RHOQ: variants seen among roughly 807,000 people sequenced by gnomAD.
The protein encoded by RHOQ is ras homolog family member Q.
RHOQ carries 7 observed loss-of-function variants against 25.8 expected under a neutral mutation model. The ratio of observed to expected loss-of-function variants is 0.27; its 90% CI spans 0.15 to 0.51. The LOEUF is 0.51. Among genes scored for constraint, RHOQ ranks in the 20% least tolerant of loss-of-function variants. RHOQ has a pLI of 0.97. For synonymous variants in RHOQ, 97 were observed against 98.6 expected (o/e 0.98, Z 0.10); for missense variants, 165 against 260.6 (o/e 0.63, Z 2.53).
chr2:46,550,082 T>C (rs949397826), intron 2 of RHOQ, among the ~76,000 whole-genome samples: 11 of 151,964 alleles, frequency 7.2e-5, no homozygotes, highest in Non-Finnish European at 1.6e-4. Flanking sequence ...TTTTTTTTAA[T>C]TAGCCAGATG....
intron 2 of RHOQ, among the ~76,000 whole-genome samples, chr2:46,571,311 C>T (rs1376162017): frequency 6.6e-6 from 1 of 152,218 alleles, no homozygotes; most frequent in African/African-American, 2.4e-5. Flanking sequence ...TGGGTGCTAA[C>T]CTGATGCACG....
intron 2 of RHOQ, among the ~76,000 whole-genome samples, chr2:46,558,919 T>C (rs1055434525): frequency 6.6e-6 from 1 of 152,156 alleles, no homozygotes; most frequent in African/African-American, 2.4e-5. Context: ...GTCTGGATGT[T>C]CTTTTTTTCT....
In RHOQ at chr2:46,556,485, TA is replaced by T. The variant is rs1244244776; in HGVS notation, c.201+12675del. Among the ~76,000 whole-genome samples, 6 of 109,252 alleles carry T rather than the reference TA, an allele frequency of 5.5e-5. No individual in the cohort carries two copies. Among genetic ancestry groups the T allele is most frequent in the African/African-American group, 2.4e-4 (6 of 25,326 alleles). The allele number at this position is 109,252 out of a possible 152,430, so 71.7% of individuals were successfully genotyped here. A position where few individuals can be genotyped will look rare whatever the true frequency, so the allele number is the denominator to read the frequency against. On this transcript the variant is annotated intron_variant, in intron 2 of 4. Coordinates refer to ENST00000238738, the MANE Select transcript of RHOQ (RefSeq NM_012249.4). This position sits in a 1 kb window ranked among gnomAD's most constrained non-coding sequence, Gnocchi z 4.9. ...TATTCTTTTTCTTAAAAAATTTTTT[TA>T]ATTTTTTTTTTTTTGTTCCTTTTAA...
rs922667479 is a variant in RHOQ, at chr2:46,584,473, T to C, written c.*3390T>C. ...TATTTTAATCATTTTGTAATTTCAG[T>C]ATGGCTCTTTGTTCTCAAACACATA... On this transcript the variant is annotated 3_prime_UTR_variant, in exon 5 of 5. Coordinates refer to ENST00000238738, the MANE Select transcript of RHOQ (RefSeq NM_012249.4). Among the ~76,000 whole-genome samples, 1 of 152,186 alleles carries C rather than the reference T, an allele frequency of 6.6e-6. No individual in the cohort carries two copies. The highest frequency in any genetic ancestry group is 2.4e-5 in the African/African-American group (1 of 41,442).
Position 46,556,478 on chromosome 2 carries a change from A to G in RHOQ, c.201+12666A>G, listed in dbSNP as rs535135746. On this transcript the variant is annotated intron_variant, in intron 2 of 4. Coordinates refer to ENST00000238738, the MANE Select transcript of RHOQ (RefSeq NM_012249.4). This position sits in a 1 kb window ranked among gnomAD's most constrained non-coding sequence, Gnocchi z 4.9. ...CTTCTGATATTCTTTTTCTTAAAAA[A>G]TTTTTTTAATTTTTTTTTTTTTGTT... 8.9e-6 allele frequency among the ~76,000 whole-genome samples: 1 copy of G among 112,370 alleles called. No homozygotes were observed. The highest frequency in any genetic ancestry group is 1.9e-5 in the Non-Finnish European group (1 of 52,486). 73.7% of individuals were successfully genotyped at this position (112,370 alleles called of 152,430 possible).
chr2:46,563,161 A>G (rs1467284666), intron 2 of RHOQ, among the ~76,000 whole-genome samples: 1 of 152,086 alleles, frequency 6.6e-6, no homozygotes, highest in Non-Finnish European at 1.5e-5. Context: ...CTGAAACCCC[A>G]TGATAGACTA....
rs1426344979 is a variant in RHOQ at position 46,548,026 on chromosome 2, T to A, written c.201+4214T>A. 1.3e-5 allele frequency among the ~76,000 whole-genome samples: 2 copies of A among 152,088 alleles called. No individual in the cohort carries two copies. Among genetic ancestry groups the A allele is most frequent in the East Asian group, 3.9e-4 (2 of 5,184 alleles). ...GAATATCCACACTCAGGAGGATGTG[T>A]GTTGGGGGTGAATTTGGGATCCCTA... is the stretch of plus-strand genomic sequence containing the variant. On this transcript the variant is annotated intron_variant, in intron 2 of 4. Coordinates refer to ENST00000238738, the MANE Select transcript of RHOQ (RefSeq NM_012249.4). The surrounding 1 kb of genome is among the most constrained non-coding windows in gnomAD (Gnocchi z 5.2).
At chr2:46,560,538 C>G (rs143149924) in intron 2 of RHOQ, 3 of 455,486 alleles carry the variant, frequency 6.6e-6, no homozygotes, top group Non-Finnish European at 1.3e-5. Flanking sequence ...TGCAGCAAAG[C>G]GAGTTGGATT....
intron 4 of RHOQ, chr2:46,577,235 C>G (rs1322584209): frequency 6.6e-6 from 1 of 152,132 alleles, no homozygotes; most frequent in Non-Finnish European, 1.5e-5. Context: ...ATATATGTAA[C>G]AGTGATGCAT....
rs754510182 is a variant in RHOQ, at chr2:46,581,469, T to C, written c.*386T>C. ...AATCTGCACAAAGAAATATCTCCCT[T>C]TGCTCCAGTTAATTGTTCTTGTATG... On this transcript the variant is annotated 3_prime_UTR_variant, in exon 5 of 5. Transcript: ENST00000238738. The C allele has an allele frequency of 9.9e-6, 16 of 1,609,608 alleles. No homozygotes were observed. The East Asian group carries it at 3.6e-4, about 36-fold the overall frequency.
chr2:46,561,140 GTATA>G (rs934122787), intron 2 of RHOQ, among the ~76,000 whole-genome samples: 2 of 150,668 alleles, frequency 1.3e-5, no homozygotes, highest in Admixed American at 1.3e-4. Context: ...GTGTGTGTGT[GTATA>G]TATATATACA....
At chr2:46,571,528 C>T (rs1047889201) in intron 2 of RHOQ, among the ~76,000 whole-genome samples, 6 of 152,310 alleles carry the variant, frequency 3.9e-5, no homozygotes, top group African/African-American at 1.2e-4. Flanking sequence ...ATCCTTCCCT[C>T]CTTTATTTAT....
rs78324067 is a variant in RHOQ, at chr2:46,545,887, G to A, written c.201+2075G>A. Among the ~76,000 whole-genome samples, 718 of 152,184 alleles carry A rather than the reference G, an allele frequency of 4.7e-3. 5 individuals carry two copies. Among genetic ancestry groups the A allele is most frequent in the East Asian group, 0.028 (143 of 5,186 alleles). On this transcript the variant is annotated intron_variant, in intron 2 of 4. Transcript: ENST00000238738. ...ACAAAACCAGGGCTTTCCATATATG[G>A]CCGTAATTACTCTTTTTAGTGGAGG...
At chr2:46,578,756 A>AAAAT (rs1157271681) in intron 4 of RHOQ, among the ~76,000 whole-genome samples, 1 of 151,908 alleles carries the variant, frequency 6.6e-6, no homozygotes, top group African/African-American at 2.4e-5. Flanking sequence ...ACCCTGTCTC[A>AAAAT]AAATAAATGA....
At chr2:46,558,590 C>T (rs1387061380) in intron 2 of RHOQ, among the ~76,000 whole-genome samples, 8 of 152,170 alleles carry the variant, frequency 5.3e-5, no homozygotes, top group Non-Finnish European at 1.2e-4. Context: ...TTTTAACCTC[C>T]TGAAATTTCA....
intron 2 of RHOQ, among the ~76,000 whole-genome samples, chr2:46,554,059 A>C (rs1482542068): frequency 6.6e-6 from 1 of 151,416 alleles, no homozygotes; most frequent in African/African-American, 2.4e-5. Context: ...GGCTTATTTT[A>C]CTTAATCATC....
In RHOQ at chr2:46,576,314, C is replaced by G; in HGVS notation, c.366+63C>G. ...TCTTTGGTCTGTCGTAGAGGCTGCT[C>G]TCAGACAAACAGTCCCAAAGCTGAG... On this transcript the variant is annotated intron_variant, in intron 3 of 4. Coordinates refer to ENST00000238738, the MANE Select transcript of RHOQ (RefSeq NM_012249.4). The surrounding 1 kb of genome is among the most constrained non-coding windows in gnomAD (Gnocchi z 5.1). The G allele has an allele frequency of 2.2e-6, 3 of 1,356,190 alleles. No individual in the cohort carries two copies. The highest frequency in any genetic ancestry group is 2.1e-6 in the Non-Finnish European group (2 of 975,472). 84.0% of individuals were successfully genotyped at this position (1,356,190 alleles called of 1,614,324 possible). A position where few individuals can be genotyped will look rare whatever the true frequency, so the allele number is the denominator to read the frequency against.
At chr2:46,547,374 T>C (rs1469014382) in intron 2 of RHOQ, among the ~76,000 whole-genome samples, 1 of 152,260 alleles carries the variant, frequency 6.6e-6, no homozygotes, top group Non-Finnish European at 1.5e-5. Flanking sequence ...GGGTGATTGT[T>C]GTAGATGACC....
intron 2 of RHOQ, among the ~76,000 whole-genome samples, chr2:46,557,059 CAT>C (rs1192797858): frequency 3.9e-5 from 6 of 152,134 alleles, no homozygotes; most frequent in Non-Finnish European, 7.4e-5. Flanking sequence ...TCTGTAAAGA[CAT>C]GTGAATAAAA....
Sources: gnomAD v4.1 joint callset for allele counts (sites outside exome capture counted in the v4.1 genomes callset) on GRCh38, gnomAD v4.1.1 for gene constraint, Gnocchi (gnomAD v3.1) non-coding constraint, MANE v1.5 for transcripts, NCBI Gene and HGNC (gene_info 2026-07-23, HGNC 2026-07-21) for gene names.